XRCC4: variants seen among roughly 807,000 people sequenced by gnomAD.
The protein encoded by XRCC4 is DNA repair protein XRCC4.
A neutral mutation model predicts 39.1 loss-of-function variants in XRCC4; 28 were observed. The ratio of observed to expected loss-of-function variants is 0.72; its 90% CI spans 0.53 to 0.98. XRCC4 has a LOEUF of 0.98. XRCC4 is among the 50% of genes least tolerant of loss of function. XRCC4 has a pLI of 0.00. For missense variants in XRCC4, 350 were observed against 376.4 expected (o/e 0.93, Z 0.58); for synonymous variants, 123 against 126.4 (o/e 0.97, Z 0.18).
downstream of XRCC4, among the ~76,000 whole-genome samples, chr5:83,358,228 A>C (rs1247910886): frequency 6.6e-6 from 1 of 152,166 alleles, no homozygotes; most frequent in Non-Finnish European, 1.5e-5. Flanking sequence ...TAGAGCAAGC[A>C]TTTTATGGTT....
At chr5:83,127,896 C>A in intron 3 of XRCC4, among the ~76,000 whole-genome samples, 1 of 116,442 alleles carries the variant, frequency 8.6e-6, no homozygotes, top group Non-Finnish European at 1.8e-5. Flanking sequence ...TTTTTTTTTT[C>A]AGTACTTTAA....
chr5:83,169,856 CA>C (rs1193634015), intron 3 of XRCC4, among the ~76,000 whole-genome samples: 1 of 152,094 alleles, frequency 6.6e-6, no homozygotes, highest in East Asian at 1.9e-4. Flanking sequence ...TGACGGTAAA[CA>C]GAATGATTTC....
chr5:83,251,713 ACCCCAGTGT>A (rs1459617418), intron 6 of XRCC4, among the ~76,000 whole-genome samples: 1 of 152,046 alleles, frequency 6.6e-6, no homozygotes, highest in South Asian at 2.1e-4. Flanking sequence ...CTCCTGAGTT[ACCCCAGTGT>A]CAGCAGGTAT....
chr5:83,204,531 A>G (rs1245944775), intron 5 of XRCC4, among the ~76,000 whole-genome samples: 1 of 152,076 alleles, frequency 6.6e-6, no homozygotes, highest in Non-Finnish European at 1.5e-5. Flanking sequence ...AATTTGTTAG[A>G]AAAAGTATTT....
chr5:83,343,662 T>G (rs1296295507), intron 7 of XRCC4, among the ~76,000 whole-genome samples: 2 of 151,304 alleles, frequency 1.3e-5, no homozygotes, highest in Non-Finnish European at 2.9e-5. Context: ...GAGTCGTTCC[T>G]TTTTTGACTC....
chr5:83,104,811 T>C (rs1746116538), intron 1 of XRCC4, 99 bp from the exon 2 acceptor site: 1 of 1,117,740 alleles, frequency 8.9e-7, no homozygotes. Context: ...GCTTATTTTC[T>C]TATTTCCTTG....
intron 7 of XRCC4, 123 bp downstream of exon 7, chr5:83,258,800 G>A: frequency 8.7e-7 from 1 of 1,148,614 alleles, no homozygotes; most frequent in South Asian, 1.7e-5. Context: ...ATGTCATTTT[G>A]GAATTGTAAA....
At chr5:83,081,171 T>G (rs969158279) in intron 1 of XRCC4, among the ~76,000 whole-genome samples, 8 of 152,216 alleles carry the variant, frequency 5.3e-5, no homozygotes, top group Non-Finnish European at 1.0e-4. Context: ...TAGTATTAAG[T>G]TGGTATTGCA....
intron 4 of XRCC4, among the ~76,000 whole-genome samples, chr5:83,199,115 G>A (rs557089700): frequency 2.0e-5 from 3 of 152,210 alleles, no homozygotes; most frequent in East Asian, 1.9e-4. Context: ...AAAAGACCTT[G>A]AAAGCTCTTC....
chr5:83,264,192 C>T (rs1476395023), intron 7 of XRCC4, among the ~76,000 whole-genome samples: 1 of 152,148 alleles, frequency 6.6e-6, no homozygotes, highest in Non-Finnish European at 1.5e-5. Context: ...AATCCATGCA[C>T]TTTTGTTTTG....
intron 7 of XRCC4, among the ~76,000 whole-genome samples, chr5:83,281,940 C>T (rs1754556023): frequency 6.6e-6 from 1 of 152,116 alleles, no homozygotes; most frequent in Non-Finnish European, 1.5e-5. Flanking sequence ...GATCATTGTC[C>T]AAAGACAACA....
chr5:83,258,915 A>G (rs1245645725), intron 7 of XRCC4: 1 of 433,368 alleles, frequency 2.3e-6, no homozygotes, highest in Non-Finnish European at 4.1e-6. Context: ...TGGTTTTTAT[A>G]GATTAATTAG....
chr5:83,147,713 C>CA (rs1748523393), intron 3 of XRCC4, among the ~76,000 whole-genome samples: 2 of 150,958 alleles, frequency 1.3e-5, no homozygotes, highest in Non-Finnish European at 2.9e-5. Flanking sequence ...GTTGTCACCA[C>CA]AAAAAATCAT....
intron 3 of XRCC4, among the ~76,000 whole-genome samples, chr5:83,118,075 CACAT>C (rs752889193): frequency 8.5e-5 from 11 of 128,790 alleles, no homozygotes; most frequent in East Asian, 2.3e-4. Flanking sequence ...CACACACACA[CACAT>C]ATGTATATAG....
At chr5:83,234,796 G>T (rs1012025229) in intron 6 of XRCC4, among the ~76,000 whole-genome samples, 4 of 151,754 alleles carry the variant, frequency 2.6e-5, no homozygotes, top group Non-Finnish European at 5.9e-5. Context: ...TTCACTAAAG[G>T]TATGTAATTT....
intron 1 of XRCC4, among the ~76,000 whole-genome samples, chr5:83,101,295 G>T (rs1440576337): frequency 6.6e-6 from 1 of 151,946 alleles, no homozygotes; most frequent in Non-Finnish European, 1.5e-5. Flanking sequence ...TTTTAATGAA[G>T]CTCACAAAAT....
intron 7 of XRCC4, among the ~76,000 whole-genome samples, chr5:83,281,874 AAG>A (rs754395768): frequency 2.1e-4 from 32 of 152,286 alleles, no homozygotes; most frequent in Non-Finnish European, 4.0e-4. Flanking sequence ...TCCCCCCAAA[AAG>A]GGGACTGTCT....
chr5:83,371,157 A>G, the XRCC4 span, among the ~76,000 whole-genome samples: 1 of 152,050 alleles, frequency 6.6e-6, no homozygotes, highest in East Asian at 1.9e-4. Context: ...ATCCCTTCTC[A>G]CTAAGCTCCC....
chr5:83,331,905 C>T (rs536355871), intron 7 of XRCC4, among the ~76,000 whole-genome samples: 20 of 152,198 alleles, frequency 1.3e-4, no homozygotes, highest in South Asian at 8.3e-4. Context: ...TCCAAGTACC[C>T]GTTTTTGTAT....
Sources: allele counts gnomAD v4.1 joint callset (sites outside exome capture counted in the v4.1 genomes callset), GRCh38; gene constraint gnomAD v4.1.1; transcripts MANE v1.5; gene names NCBI Gene and HGNC (gene_info 2026-07-23, HGNC 2026-07-21).